TMEM200A: variants seen among roughly 807,000 people sequenced by gnomAD.
The protein encoded by TMEM200A is transmembrane protein 200A, also known as two transmembrane C.
TMEM200A carries 12 observed loss-of-function variants against 24.3 expected under a neutral mutation model. The observed-to-expected ratio is 0.49, with a 90% CI of 0.32 to 0.80. TMEM200A has a LOEUF of 0.80. TMEM200A is among the 30% of genes least tolerant of loss of function. The pLI, the probability that TMEM200A is intolerant of heterozygous loss-of-function variation, is 0.04. For synonymous variants in TMEM200A, 224 were observed against 224.4 expected (o/e 1.00, Z 0.02); for missense variants, 545 against 614.4 (o/e 0.89, Z 1.19).
intron 2 of TMEM200A, among the ~76,000 whole-genome samples, chr6:130,397,872 C>T (rs1778986975): frequency 6.6e-6 from 1 of 150,978 alleles, no homozygotes; most frequent in African/African-American, 2.4e-5. Flanking sequence ...ATAATAATTT[C>T]ATAATAATAA....
chr6:130,371,104 T>C (rs1257930833), intron 1 of TMEM200A, among the ~76,000 whole-genome samples: 2 of 152,146 alleles, frequency 1.3e-5, no homozygotes, highest in Admixed American at 6.5e-5. Context: ...GGAGCATCTT[T>C]GTTGACAGAA....
chr6:130,384,332 T>C (rs1778665288), intron 1 of TMEM200A, among the ~76,000 whole-genome samples: 1 of 152,200 alleles, frequency 6.6e-6, no homozygotes, highest in African/African-American at 2.4e-5. Context: ...TTTTGTTTTA[T>C]TTATTTATTT....
At chr6:130,426,722 GGA>G (rs1422148937) in intron 2 of TMEM200A, among the ~76,000 whole-genome samples, 1 of 152,160 alleles carries the variant, frequency 6.6e-6, no homozygotes, top group Admixed American at 6.5e-5. Flanking sequence ...TTGGAGCCCA[GGA>G]GGAAGCTATC....
At chr6:130,382,866 G>T in intron 1 of TMEM200A, 1 of 192,178 alleles carries the variant, frequency 5.2e-6, no homozygotes, top group Non-Finnish European at 9.5e-6. Flanking sequence ...CATCTTCTTG[G>T]GGAAGGGGCG....
intron 2 of TMEM200A, among the ~76,000 whole-genome samples, chr6:130,439,652 G>A (rs1237993315): frequency 1.3e-5 from 2 of 152,220 alleles, no homozygotes; most frequent in African/African-American, 4.8e-5. Flanking sequence ...GAGTATGGAA[G>A]AGAAGATGAC....
intron 2 of TMEM200A, among the ~76,000 whole-genome samples, chr6:130,388,360 T>C (rs1778759386): frequency 6.6e-6 from 1 of 152,234 alleles, no homozygotes; most frequent in South Asian, 2.1e-4. Context: ...ATTAGCTGTG[T>C]AGATGTTTCC....
chr6:130,410,883 A>G (rs1160565795), intron 2 of TMEM200A, among the ~76,000 whole-genome samples: 1 of 152,142 alleles, frequency 6.6e-6, no homozygotes, highest in Non-Finnish European at 1.5e-5. Flanking sequence ...GTTTTGGAAA[A>G]TCAGGCCAGG....
chr6:130,408,006 A>G (rs1007419197), intron 2 of TMEM200A, among the ~76,000 whole-genome samples: 1 of 152,232 alleles, frequency 6.6e-6, no homozygotes, highest in African/African-American at 2.4e-5. Flanking sequence ...AGCACTTACT[A>G]TGCTCCACCT....
Position 130,400,961 on chromosome 6 carries a change from T to A in TMEM200A, c.-17+15725T>A, listed in dbSNP as rs557701755. The stretch of plus-strand genomic sequence containing the variant: ...AATTTAGTCATTAAGTGATGGACCT[T>A]ACATCTAGGTCTGAAATTTCCATGA... On this transcript the variant is annotated intron_variant, in intron 2 of 2. Coordinates refer to ENST00000296978, the MANE Select transcript of TMEM200A (RefSeq NM_001258277.2). 1.3e-3 allele frequency among the ~76,000 whole-genome samples: 201 copies of A among 152,172 alleles called. 1 individual carries two copies. The highest frequency in any genetic ancestry group is 4.6e-3 in the African/African-American group (192 of 41,550).
At chr6:130,440,154 A>T (rs777786249) in intron 2 of TMEM200A, among the ~76,000 whole-genome samples, 3 of 152,154 alleles carry the variant, frequency 2.0e-5, no homozygotes, top group Admixed American at 6.6e-5. Context: ...CATTTAATCA[A>T]TAACAGAAAT....
At chr6:130,429,857 C>T (rs1461734074) in intron 2 of TMEM200A, among the ~76,000 whole-genome samples, 2 of 151,978 alleles carry the variant, frequency 1.3e-5, no homozygotes, top group Non-Finnish European at 2.9e-5. Flanking sequence ...CAACCAGAAA[C>T]CTGATTTCCT....
intron 2 of TMEM200A, among the ~76,000 whole-genome samples, chr6:130,429,036 T>TA (rs1344829679): frequency 3.4e-4 from 51 of 152,152 alleles, no homozygotes; most frequent in Admixed American, 2.6e-3. Context: ...AGGTCTATGT[T>TA]AAAAAAACTA....
intron 2 of TMEM200A, among the ~76,000 whole-genome samples, chr6:130,423,859 G>A (rs1018708950): frequency 2.0e-5 from 3 of 151,954 alleles, no homozygotes; most frequent in African/African-American, 4.8e-5. Context: ...GTTTGTTTTC[G>A]CTTCTGTTTT....
intron 2 of TMEM200A, among the ~76,000 whole-genome samples, chr6:130,419,586 T>C (rs1406502911): frequency 6.6e-6 from 1 of 152,198 alleles, no homozygotes; most frequent in African/African-American, 2.4e-5. Flanking sequence ...GCATTCATTA[T>C]TTTTTGTCTA....
chr6:130,438,258 T>C (rs1167464349), intron 2 of TMEM200A: 1 of 152,204 alleles, frequency 6.6e-6, no homozygotes, highest in African/African-American at 2.4e-5. Flanking sequence ...AAAACTATTT[T>C]AATCCTAGTT....
intron 2 of TMEM200A, among the ~76,000 whole-genome samples, chr6:130,423,826 G>T (rs1433500429): frequency 6.6e-6 from 1 of 152,096 alleles, no homozygotes; most frequent in Non-Finnish European, 1.5e-5. Context: ...GTTTGAGCTT[G>T]ATTTACGCAT....
At chr6:130,384,952 A>G (rs1778679580) in intron 1 of TMEM200A, among the ~76,000 whole-genome samples, 1 of 152,170 alleles carries the variant, frequency 6.6e-6, no homozygotes, top group South Asian at 2.1e-4. Flanking sequence ...CTTTTTGCAA[A>G]TGGATTTATC....
Position 130,442,155 on chromosome 6 carries a change from G to T in TMEM200A, c.*257G>T, listed in dbSNP as rs377226438. The T allele has an allele frequency of 1.8e-5, 6 of 335,316 alleles. No homozygotes were observed. The highest frequency in any genetic ancestry group is 3.4e-5 in the Non-Finnish European group (6 of 176,330). 20.8% of individuals were successfully genotyped at this position (335,316 alleles called of 1,614,324 possible). On this transcript the variant is annotated 3_prime_UTR_variant, in exon 3 of 3. Transcript: ENST00000296978. ...TCTTTTATTAATATGAATGCAAAAT[G>T]CTTGCATCCAAATTAAAGCTTATTT...
chr6:130,376,903 TCAAA>T (rs1778468595), intron 1 of TMEM200A, among the ~76,000 whole-genome samples: 1 of 152,190 alleles, frequency 6.6e-6, no homozygotes, highest in Non-Finnish European at 1.5e-5. Context: ...CTCCCAACTC[TCAAA>T]CTAACCTCTA....
Sources: allele counts gnomAD v4.1 joint callset (sites outside exome capture counted in the v4.1 genomes callset), GRCh38; gene constraint gnomAD v4.1.1; transcripts MANE v1.5; gene names NCBI Gene and HGNC (gene_info 2026-07-23, HGNC 2026-07-21).